INTS12: variants seen among roughly 807,000 people sequenced by gnomAD.
INTS12 encodes the protein PHD finger protein 22.
A neutral mutation model predicts 41.6 loss-of-function variants in INTS12; 13 were observed. The observed-to-expected ratio is 0.31, with a 90% CI of 0.20 to 0.50. INTS12 has a LOEUF of 0.50. Ranked by LOEUF, INTS12 falls within the 20% of genes least tolerant of loss-of-function variation. The pLI is 0.98. For synonymous variants in INTS12, 199 were observed against 191.4 expected (o/e 1.04, Z -0.33); for missense variants, 432 against 541.6 (o/e 0.80, Z 2.01).
chr4:105,700,808 AT>A, intron 2 of INTS12, among the ~76,000 whole-genome samples: 1 of 152,088 alleles, frequency 6.6e-6, no homozygotes, highest in East Asian at 1.9e-4. Context: ...AAAGATATAC[AT>A]CAAAGGCTTA....
At chr4:105,701,943 C>A (rs933140970) in intron 2 of INTS12, among the ~76,000 whole-genome samples, 3 of 152,014 alleles carry the variant, frequency 2.0e-5, no homozygotes, top group East Asian at 1.9e-4. Context: ...TACAAGACTG[C>A]GGAAGTCATC....
chr4:105,700,162 G>T (rs1289781378), intron 2 of INTS12, 148 bp from the exon 3 acceptor site: 1 of 459,056 alleles, frequency 2.2e-6, no homozygotes, highest in Non-Finnish European at 3.6e-6. Flanking sequence ...ACAAATAAAA[G>T]TAAATTTCCT....
chr4:105,706,256 T>TC (rs1321030842), intron 1 of INTS12: 6 of 124,260 alleles, frequency 4.8e-5, no homozygotes, highest in African/African-American at 1.9e-4. Context: ...TTCAATCTCT[T>TC]TTTTTTTTTT....
chr4:105,700,212 A>C, intron 2 of INTS12, 198 bp from the exon 3 acceptor site: 2 of 328,834 alleles, frequency 6.1e-6, no homozygotes, highest in Non-Finnish European at 1.1e-5. Flanking sequence ...CTTCCCCCTG[A>C]AACAACTAGC....
At chr4:105,707,325 T>G (rs1052615187) in intron 1 of INTS12, among the ~76,000 whole-genome samples, 1 of 152,138 alleles carries the variant, frequency 6.6e-6, no homozygotes, top group African/African-American at 2.4e-5. Flanking sequence ...CATTTTTTTT[T>G]TTTTTTGGCA....
In INTS12 at chr4:105,683,271, G is replaced by A. The variant is rs769807375; in HGVS notation, c.851C>T (p.Ser284Leu). The A allele has an allele frequency of 8.7e-6, 14 of 1,613,598 alleles. No individual in the cohort carries two copies. The highest frequency in any genetic ancestry group is 2.7e-5 in the African/African-American group (2 of 74,906). ...TCCAGTTAAGCCACTAGTTACTGAC[G>A]AGGAAACGCTGGCACTAGAAGAATT... is the stretch of plus-strand genomic sequence containing the variant. The part of the protein sequence containing the change: ...SGNSSSASVS[S>L]SVTSGLTGWA... The change falls in exon 8 of 8, where the codon TCG becomes TTG. Residue 284 changes from serine (S) to leucine (L), a missense_variant. Transcript: ENST00000340139.
chr4:105,702,503 A>C (rs1732121911), intron 2 of INTS12, among the ~76,000 whole-genome samples: 1 of 152,190 alleles, frequency 6.6e-6, no homozygotes, highest in African/African-American at 2.4e-5. Context: ...AGTGTGTTAT[A>C]TAATTGATCT....
At chr4:105,706,229 A>G (rs1458803951) in intron 1 of INTS12, 1 of 147,014 alleles carries the variant, frequency 6.8e-6, no homozygotes, top group Non-Finnish European at 1.5e-5. Context: ...AGATGATTTA[A>G]TATGTTTTAC....
At chr4:105,700,758 C>T (rs116879534) in intron 2 of INTS12, among the ~76,000 whole-genome samples, 1 of 143,522 alleles carries the variant, frequency 7.0e-6, no homozygotes, top group East Asian at 2.0e-4. Context: ...GCCTATGATG[C>T]TTTGTGTCCT....
intron 2 of INTS12, among the ~76,000 whole-genome samples, chr4:105,703,336 G>A (rs775014569): frequency 6.6e-6 from 1 of 152,224 alleles, no homozygotes; most frequent in Non-Finnish European, 1.5e-5. Context: ...GGAAGTGGTA[G>A]TAGTAGTATT....
chr4:105,702,702 A>T (rs540238848), intron 2 of INTS12, among the ~76,000 whole-genome samples: 1 of 152,044 alleles, frequency 6.6e-6, no homozygotes, highest in Admixed American at 6.5e-5. Context: ...TCATTTCTCT[A>T]TTCCCATTCT....
Position 105,708,653 on chromosome 4 carries a change from T to G in INTS12, c.-187A>C. On this transcript the variant is annotated 5_prime_UTR_variant, in exon 1 of 8. Transcript: ENST00000340139. Reference sequence around the variant, plus strand: ...CATAACTCACCGTTCCGCCCCGCCCTGCCGATCCGTCTGTTCCCGGTGGTC... The same window carrying G: ...CATAACTCACCGTTCCGCCCCGCCCGGCCGATCCGTCTGTTCCCGGTGGTC... 1.0e-6 allele frequency: 1 copy of G among 961,588 alleles called. No individual in the cohort carries two copies. The highest frequency in any genetic ancestry group is 4.8e-5 in the South Asian group (1 of 20,812). The allele number at this position is 961,588 out of a possible 1,614,324, so 59.6% of individuals were successfully genotyped here.
chr4:105,708,672 G>GAA lies in INTS12; in HGVS notation c.-207_-206insTT. 1 of 919,700 alleles carries GAA rather than the reference G, an allele frequency of 1.1e-6. No homozygotes were observed. The highest frequency in any genetic ancestry group is 1.3e-6 in the Non-Finnish European group (1 of 770,058). The allele number at this position is 919,700 out of a possible 1,614,324, so 57.0% of individuals were successfully genotyped here. A position where few individuals can be genotyped will look rare whatever the true frequency, so the allele number is the denominator to read the frequency against. The stretch of plus-strand genomic sequence containing the variant: ...CCGCCCTGCCGATCCGTCTGTTCCC[G>GAA]GTGGTCCCTTCGGAAACGGTTCCCG... On this transcript the variant is annotated 5_prime_UTR_variant, in exon 1 of 8. Coordinates refer to ENST00000340139, the MANE Select transcript of INTS12 (RefSeq NM_020395.4).
Position 105,689,279 on chromosome 4 carries a change from A to C in INTS12, c.658-2441T>G, listed in dbSNP as rs533614597. 3.3e-5 allele frequency among the ~76,000 whole-genome samples: 5 copies of C among 152,326 alleles called. 1 individual carries two copies. In the South Asian group the frequency reaches 8.3e-4, roughly 25 times the overall value. On this transcript the variant is annotated intron_variant, in intron 6 of 7. Coordinates refer to ENST00000340139, the MANE Select transcript of INTS12 (RefSeq NM_020395.4). ...CGCAGAACTTGCCCCAGTTTGAGGA[A>C]TCTGTTTGAGGAGAAAGGGGATATC...
rs1393566821 is a variant in INTS12 at position 105,693,409 on chromosome 4, G to A, written c.387C>T (p.Pro129=). 3.7e-6 allele frequency: 6 copies of A among 1,613,270 alleles called. No individual in the cohort carries two copies. In the South Asian group the frequency reaches 5.5e-5, roughly 15 times the overall value. ...RLEKPETQSS[P]ITVQSSKDLP... ...AATCCTTGCTACTTTGGACAGTAAT[G>A]GGAGATGACTGTGTTTCTGGTTTCT... Residue 129 remains proline, a synonymous_variant, in exon 5 of 8, where the codon CCC becomes CCT. Coordinates refer to ENST00000340139, the MANE Select transcript of INTS12 (RefSeq NM_020395.4).
chr4:105,686,543 C>A, intron 7 of INTS12, 149 bp downstream of exon 7: 1 of 596,238 alleles, frequency 1.7e-6, no homozygotes, highest in South Asian at 2.2e-5. Context: ...TGTTCCCTTT[C>A]TACCTAATAT....
At chr4:105,704,185 G>C (rs1732183167) in intron 1 of INTS12, among the ~76,000 whole-genome samples, 2 of 151,894 alleles carry the variant, frequency 1.3e-5, no homozygotes, top group Non-Finnish European at 2.9e-5. Context: ...TTCAGCCTTT[G>C]TCCCACTATT....
At chr4:105,693,654 A>G (rs910619717) in intron 4 of INTS12, among the ~76,000 whole-genome samples, 168 bp from the exon 5 acceptor site, 1 of 152,238 alleles carries the variant, frequency 6.6e-6, no homozygotes, top group African/African-American at 2.4e-5. Flanking sequence ...AAGAATTGCA[A>G]TGAATTTATT....
Position 105,708,666 on chromosome 4 carries a change from G to T in INTS12, c.-200C>A. 1.1e-6 allele frequency: 1 copy of T among 927,772 alleles called. No individual in the cohort carries two copies. 57.5% of individuals were successfully genotyped at this position (927,772 alleles called of 1,614,324 possible). A position where few individuals can be genotyped will look rare whatever the true frequency, so the allele number is the denominator to read the frequency against. On this transcript the variant is annotated 5_prime_UTR_variant, in exon 1 of 8. Coordinates refer to ENST00000340139, the MANE Select transcript of INTS12 (RefSeq NM_020395.4). ...TCCGCCCCGCCCTGCCGATCCGTCTGTTCCCGGTGGTCCCTTCGGAAACGG... is the reference window on the plus strand; with the variant it reads ...TCCGCCCCGCCCTGCCGATCCGTCTTTTCCCGGTGGTCCCTTCGGAAACGG...
Sources: gnomAD v4.1 joint callset for allele counts (sites outside exome capture counted in the v4.1 genomes callset) on GRCh38, gnomAD v4.1.1 for gene constraint, MANE v1.5 for transcripts, NCBI Gene and HGNC (gene_info 2026-07-23, HGNC 2026-07-21) for gene names.